Variants in MRPL45 observed in about 807,000 individuals in gnomAD.
The protein encoded by MRPL45 is large ribosomal subunit protein mL45.
In MRPL45, 20 loss-of-function variants were observed where a neutral mutation model predicts 38.1. The observed-to-expected ratio is 0.53, with a 90% CI of 0.37 to 0.76. The LOEUF is 0.76. MRPL45 is among the 30% of genes least tolerant of loss of function. The pLI is 0.00. For synonymous variants in MRPL45, 105 were observed against 128.8 expected (o/e 0.82, Z 1.25); for missense variants, 337 against 395.6 (o/e 0.85, Z 1.26).
At chr17:38,303,252 G>T (rs184403223) in intron 3 of MRPL45, among the ~76,000 whole-genome samples, 5 of 150,442 alleles carry the variant, frequency 3.3e-5, no homozygotes, top group Admixed American at 1.3e-4. Context: ...TGGAACTATG[G>T]GTTATGTAAT....
rs891566495 is a variant in MRPL45, at chr17:38,322,753, A to C, written c.*158A>C. 5.1e-5 allele frequency: 31 copies of C among 607,170 alleles called. No homozygotes were observed. The highest frequency in any genetic ancestry group is 5.0e-4 in the East Asian group (18 of 35,954). 37.6% of individuals were successfully genotyped at this position (607,170 alleles called of 1,614,324 possible). A position where few individuals can be genotyped will look rare whatever the true frequency, so the allele number is the denominator to read the frequency against. ...TCATCATCAGCAACCATGACTGATG[A>C]CTGGGCCCTAGCAGGTGGCAGGTAT... is the stretch of plus-strand genomic sequence containing the variant. On this transcript the variant is annotated 3_prime_UTR_variant, in exon 8 of 8. Transcript: ENST00000613675.
At chr17:38,299,953 A>T (rs1243491952) in intron 3 of MRPL45, among the ~76,000 whole-genome samples, 2 of 151,714 alleles carry the variant, frequency 1.3e-5, no homozygotes, top group African/African-American at 4.8e-5. Flanking sequence ...TCTGTTGGTC[A>T]GGCTGGTCTT....
intron 4 of MRPL45, among the ~76,000 whole-genome samples, chr17:38,309,647 CAG>C (rs1163119231): frequency 2.0e-5 from 3 of 150,566 alleles, no homozygotes; most frequent in Non-Finnish European, 4.4e-5. Context: ...TTTGTAGAGA[CAG>C]GGTCTGGCCT....
In MRPL45 at chr17:38,298,580, T is replaced by G. The variant is rs1400279399; in HGVS notation, c.198T>G (p.Val66=). The change falls in exon 2 of 8, where the codon GTT becomes GTG. Residue 66 remains valine (V), a synonymous_variant. Transcript: ENST00000613675. ...AACATGCCCGGAAAGCAGGATTGGTTATTCCTCCAGAAAAATCGGACCGTT... is the reference window on the plus strand; with the variant it reads ...AACATGCCCGGAAAGCAGGATTGGTGATTCCTCCAGAAAAATCGGACCGTT... ...FMQHARKAGL[V]IPPEKSDRSI... is the part of the protein sequence containing the mutation. The G allele has an allele frequency of 6.2e-7, 1 of 1,613,332 alleles. No individual in the cohort carries two copies. The highest frequency in any genetic ancestry group is 8.5e-7 in the Non-Finnish European group (1 of 1,179,666).
chr17:38,308,799 C>T (rs1391136924), intron 4 of MRPL45, among the ~76,000 whole-genome samples: 3 of 152,070 alleles, frequency 2.0e-5, no homozygotes, highest in African/African-American at 7.2e-5. Context: ...TGGTCTCAAA[C>T]TCCTGACCTC....
At chr17:38,298,387 T>TA (rs1335507227) in intron 1 of MRPL45, 62 bp from the exon 2 acceptor site, 1 of 1,194,214 alleles carries the variant, frequency 8.4e-7, no homozygotes, top group African/African-American at 1.5e-5. Flanking sequence ...GTGCTTTGCT[T>TA]AGAGTTTGTA....
chr17:38,312,895 G>A (rs535343581), intron 4 of MRPL45, among the ~76,000 whole-genome samples: 1 of 150,006 alleles, frequency 6.7e-6, no homozygotes, highest in South Asian at 2.1e-4. Flanking sequence ...TTCCTTAGCA[G>A]CTACACTGTT....
chr17:38,315,726 G>A (rs750550426), intron 4 of MRPL45, among the ~76,000 whole-genome samples: 1 of 150,974 alleles, frequency 6.6e-6, no homozygotes, highest in African/African-American at 2.4e-5. Flanking sequence ...GATGTCTGCA[G>A]CCATTATTTC....
chr17:38,317,934 A>G (rs758934601), intron 4 of MRPL45, among the ~76,000 whole-genome samples: 3 of 152,016 alleles, frequency 2.0e-5, no homozygotes, highest in Non-Finnish European at 2.9e-5. Context: ...TCTGGCAGCA[A>G]CAAGATAAAG....
At chr17:38,299,062 G>A (rs924160861) in intron 2 of MRPL45, among the ~76,000 whole-genome samples, 4 of 150,556 alleles carry the variant, frequency 2.7e-5, no homozygotes, top group African/African-American at 9.7e-5. Flanking sequence ...GCTAATTTTT[G>A]TATTTTTAGT....
intron 4 of MRPL45, among the ~76,000 whole-genome samples, chr17:38,316,484 A>G (rs1029907597): frequency 2.6e-5 from 4 of 152,026 alleles, no homozygotes; most frequent in Non-Finnish European, 5.9e-5. Flanking sequence ...AATAATTACA[A>G]TGTCTGGGTT....
intron 4 of MRPL45, among the ~76,000 whole-genome samples, chr17:38,312,831 G>A (rs923494256): frequency 1.7e-5 from 2 of 115,460 alleles, no homozygotes; most frequent in African/African-American, 7.3e-5. Flanking sequence ...CAATGACAGA[G>A]TGAGACTGTC....
chr17:38,320,881 C>A, intron 6 of MRPL45, 114 bp downstream of exon 6: 1 of 985,462 alleles, frequency 1.0e-6, no homozygotes, highest in Admixed American at 2.0e-5. Flanking sequence ...AAAAGGTACA[C>A]TGTGATCTGT....
intron 4 of MRPL45, among the ~76,000 whole-genome samples, chr17:38,317,575 G>T (rs1460935185): frequency 6.6e-6 from 1 of 151,564 alleles, no homozygotes; most frequent in African/African-American, 2.4e-5. Flanking sequence ...TTTTTGTTTT[G>T]TTTTGTTTTT....
intron 3 of MRPL45, among the ~76,000 whole-genome samples, chr17:38,303,508 C>T (rs2037020508): frequency 6.6e-6 from 1 of 151,772 alleles, no homozygotes; most frequent in Non-Finnish European, 1.5e-5. Flanking sequence ...ATTGGCCAGG[C>T]TGGTCTCGAA....
Position 38,322,113 on chromosome 17 carries a change from T to C in MRPL45, c.661-13T>C. 6.8e-6 allele frequency: 11 copies of C among 1,611,354 alleles called. No homozygotes were observed. The highest frequency in any genetic ancestry group is 9.3e-6 in the Non-Finnish European group (11 of 1,177,914). On this transcript the variant is annotated splice_polypyrimidine_tract_variant and intron_variant, in intron 6 of 7. Coordinates refer to ENST00000613675, the MANE Select transcript of MRPL45 (RefSeq NM_032351.6). ...AAAAAACTAAGAGGCCAGATTTGCT[T>C]TTATCCTTGCAGACTCTGGCCATCT...
At chr17:38,303,829 C>T (rs577296803) in intron 3 of MRPL45, among the ~76,000 whole-genome samples, 57 of 150,816 alleles carry the variant, frequency 3.8e-4, no homozygotes, top group African/African-American at 1.1e-3. Flanking sequence ...CGGGTTCAAG[C>T]GATTCTCCTG....
intron 4 of MRPL45, among the ~76,000 whole-genome samples, chr17:38,315,421 A>T (rs866450657): frequency 0.026 from 3,750 of 141,992 alleles, 152 homozygotes; most frequent in African/African-American, 0.092. Flanking sequence ...CACCTGGCTA[A>T]TTTTTTTTTT....
At chr17:38,298,912 G>GT (rs771654901) in intron 2 of MRPL45, among the ~76,000 whole-genome samples, 9 of 152,162 alleles carry the variant, frequency 5.9e-5, no homozygotes, top group Non-Finnish European at 1.0e-4. Flanking sequence ...GTTTTGTTTT[G>GT]TTTTTTGAGA....
Sources: allele counts gnomAD v4.1 joint callset (sites outside exome capture counted in the v4.1 genomes callset), GRCh38; gene constraint gnomAD v4.1.1; transcripts MANE v1.5; gene names NCBI Gene and HGNC (gene_info 2026-07-23, HGNC 2026-07-21).